SPAG16: variants seen among roughly 807,000 people sequenced by gnomAD.
SPAG16 encodes sperm-associated antigen 16 protein.
Under a neutral mutation model 80.4 loss-of-function variants are expected in SPAG16, and 86 were observed. That is an observed-to-expected ratio of 1.07 (90% CI 0.90 to 1.28). The LOEUF is 1.28. SPAG16 is among the 50% of genes most tolerant of loss of function. The pLI, the probability that SPAG16 is intolerant of heterozygous loss-of-function variation, is 0.00. For synonymous variants in SPAG16, 294 were observed against 265.9 expected, an observed-to-expected ratio of 1.11 and a Z score of -1.03; for missense variants, 870 against 765.3, an observed-to-expected ratio of 1.14 and a Z score of -1.61.
chr2:213,318,659 A>G (rs1387217433), intron 5 of SPAG16, among the ~76,000 whole-genome samples: 1 of 151,934 alleles, frequency 6.6e-6, no homozygotes, highest in Non-Finnish European at 1.5e-5. Context: ...TTAAAAAAGA[A>G]AATATAAACT....
chr2:214,170,249 T>TATACATATACACACACACTTAGGTGTGC (rs2056824793), intron 15 of SPAG16, among the ~76,000 whole-genome samples: 12 of 121,464 alleles, frequency 9.9e-5, no homozygotes, highest in Admixed American at 9.8e-4. Context: ...CTTAGGTGTG[T>TATACATATACACACACACTTAGGTGTGC]ATACATATAC....
intron 14 of SPAG16, among the ~76,000 whole-genome samples, chr2:214,127,678 C>T (rs1466914068): frequency 6.6e-6 from 1 of 151,844 alleles, no homozygotes; most frequent in Non-Finnish European, 1.5e-5. Flanking sequence ...GATTCCATAG[C>T]TCATGAAGAT....
intron 15 of SPAG16, among the ~76,000 whole-genome samples, chr2:214,364,491 A>G (rs1044421064): frequency 2.6e-5 from 4 of 152,038 alleles, no homozygotes; most frequent in Non-Finnish European, 4.4e-5. Flanking sequence ...TATTTTTCCC[A>G]TTAGACATTG....
chr2:214,401,466 G>A (rs1219095985), intron 15 of SPAG16, among the ~76,000 whole-genome samples: 1 of 151,708 alleles, frequency 6.6e-6, no homozygotes, highest in East Asian at 1.9e-4. Flanking sequence ...GTATATTTGT[G>A]ATAAATTTCT....
At chr2:214,106,935 T>C (rs568136908) in intron 13 of SPAG16, among the ~76,000 whole-genome samples, 1 of 152,252 alleles carries the variant, frequency 6.6e-6, no homozygotes, top group South Asian at 2.1e-4. Flanking sequence ...TCCTATACTT[T>C]GGCTATACTC....
At chr2:213,957,115 T>C (rs1354809313) in intron 12 of SPAG16, among the ~76,000 whole-genome samples, 1 of 152,044 alleles carries the variant, frequency 6.6e-6, no homozygotes, top group Non-Finnish European at 1.5e-5. Flanking sequence ...GTATGTTGAG[T>C]GCTCTGTGTT....
At chr2:213,910,416 CAA>C (rs1394783795) in intron 11 of SPAG16, among the ~76,000 whole-genome samples, 1 of 151,104 alleles carries the variant, frequency 6.6e-6, no homozygotes, top group Middle Eastern at 3.2e-3. Context: ...CTAGAGATAA[CAA>C]GAGAATTTTT....
intron 10 of SPAG16, among the ~76,000 whole-genome samples, chr2:213,666,823 A>C (rs954274224): frequency 1.3e-5 from 2 of 152,218 alleles, no homozygotes; most frequent in Non-Finnish European, 2.9e-5. Flanking sequence ...AGGAAAGTGC[A>C]GGAGTTCAGA....
intron 10 of SPAG16, among the ~76,000 whole-genome samples, chr2:213,514,494 T>C (rs2075346341): frequency 6.6e-6 from 1 of 152,116 alleles, no homozygotes; most frequent in Non-Finnish European, 1.5e-5. Context: ...TACTTTAAGT[T>C]TTAGGGTACA....
chr2:213,795,994 G>T (rs2071003697), intron 10 of SPAG16, among the ~76,000 whole-genome samples: 1 of 152,042 alleles, frequency 6.6e-6, no homozygotes, highest in Admixed American at 6.6e-5. Context: ...TTGTATTCCA[G>T]ATCATGAATT....
chr2:214,113,243 C>T (rs917746566), intron 14 of SPAG16, among the ~76,000 whole-genome samples: 1 of 152,074 alleles, frequency 6.6e-6, no homozygotes, highest in African/African-American at 2.4e-5. Flanking sequence ...CTCTGGCTGC[C>T]CTTAACATTT....
chr2:214,362,716 G>A (rs1251035472), intron 15 of SPAG16, among the ~76,000 whole-genome samples: 4 of 151,782 alleles, frequency 2.6e-5, no homozygotes, highest in African/African-American at 9.7e-5. Flanking sequence ...AATTCACCAA[G>A]CATAGTTCCA....
At chr2:213,850,701 T>A (rs1054455944) in intron 10 of SPAG16, among the ~76,000 whole-genome samples, 9 of 151,794 alleles carry the variant, frequency 5.9e-5, no homozygotes, top group African/African-American at 2.2e-4. Flanking sequence ...TTTTTTTTTA[T>A]GATTTTCTTC....
At chr2:213,601,398 A>T (rs986537073) in intron 10 of SPAG16, among the ~76,000 whole-genome samples, 17 of 152,288 alleles carry the variant, frequency 1.1e-4, no homozygotes, top group African/African-American at 3.1e-4. Context: ...CTGAGCCCTA[A>T]CATTGTGTAC....
intron 13 of SPAG16, among the ~76,000 whole-genome samples, chr2:214,104,407 G>C (rs2125390281): frequency 6.6e-6 from 1 of 152,168 alleles, no homozygotes; most frequent in South Asian, 2.1e-4. Context: ...CGGTGAAGGG[G>C]ATGACTGGGA....
At chr2:213,587,140 C>G (rs2060501026) in intron 10 of SPAG16, among the ~76,000 whole-genome samples, 1 of 152,130 alleles carries the variant, frequency 6.6e-6, no homozygotes, top group Non-Finnish European at 1.5e-5. Flanking sequence ...TGGAGCATTT[C>G]CCTAGTGGAA....
At chr2:213,309,931 G>T in intron 3 of SPAG16, 128 bp from the exon 4 acceptor site, 3 of 584,464 alleles carry the variant, frequency 5.1e-6, no homozygotes, top group South Asian at 2.3e-5. Flanking sequence ...ATGGTTCCTG[G>T]CATATAACAG....
chr2:213,623,141 C>T (rs1181554207), intron 10 of SPAG16, among the ~76,000 whole-genome samples: 1 of 152,064 alleles, frequency 6.6e-6, no homozygotes, highest in Non-Finnish European at 1.5e-5. Context: ...ATGGAGGTTG[C>T]CATGTAAAGC....
At chr2:214,175,960 G>A (rs2057066322) in intron 15 of SPAG16, among the ~76,000 whole-genome samples, 1 of 151,286 alleles carries the variant, frequency 6.6e-6, no homozygotes, top group Non-Finnish European at 1.5e-5. Flanking sequence ...GAATTAATGT[G>A]TTAGCCATTT....
Sources: gnomAD v4.1 joint callset for allele counts (sites outside exome capture counted in the v4.1 genomes callset) on GRCh38, gnomAD v4.1.1 for gene constraint, MANE v1.5 for transcripts, NCBI Gene and HGNC (gene_info 2026-07-23, HGNC 2026-07-21) for gene names.